Variants in PKD1L3 observed in about 807,000 individuals in gnomAD.
PKD1L3 encodes polycystin 1 like 3, transient receptor potential channel interacting, also known as polycystin-1-like protein 3.
In PKD1L3, 239 loss-of-function variants were observed where a neutral mutation model predicts 184.1. The observed-to-expected ratio is 1.30, with a 90% CI of 1.17 to 1.45. The LOEUF is 1.45. Among genes scored for constraint, PKD1L3 ranks in the 40% most tolerant of loss-of-function variants. The pLI, the probability that PKD1L3 is intolerant of heterozygous loss-of-function variation, is 0.00. For missense variants in PKD1L3, 2,660 were observed against 2,067.2 expected (o/e 1.29, Z -5.56); for synonymous variants, 996 against 778.8 (o/e 1.28, Z -4.64).
chr16:71,943,110 G>A (rs2038419423), intron 23 of PKD1L3, 86 bp from the exon 24 acceptor site: 1 of 1,121,774 alleles, frequency 8.9e-7, no homozygotes. Flanking sequence ...TAAGTCTATA[G>A]ACTTATGCAG....
intron 24 of PKD1L3, 63 bp downstream of exon 24, chr16:71,942,497 T>C: frequency 7.3e-7 from 1 of 1,370,944 alleles, no homozygotes. Flanking sequence ...ATTCCTGGTT[T>C]TGCACTTATT....
chr16:71,960,938 G>C (rs1191766149), intron 16 of PKD1L3, among the ~76,000 whole-genome samples: 2 of 152,066 alleles, frequency 1.3e-5, no homozygotes, highest in Non-Finnish European at 2.9e-5. Flanking sequence ...GTCTAGGGAG[G>C]GGAAATAGTA....
chr16:71,963,475 A>T, intron 15 of PKD1L3, 124 bp from the exon 16 acceptor site: 1 of 1,083,052 alleles, frequency 9.2e-7, no homozygotes, highest in Admixed American at 3.4e-5. Context: ...GCAAGGCAAG[A>T]ACTAAGGAAA....
intron 23 of PKD1L3, 46 bp downstream of exon 23, chr16:71,943,984 G>A (rs530052440): frequency 2.0e-6 from 3 of 1,505,256 alleles, no homozygotes; most frequent in Middle Eastern, 1.7e-4. Flanking sequence ...TTTCCCTTCT[G>A]GAAAAGGTGC....
At position 71,937,416 on chromosome 16, in the gene PKD1L3, G is replaced by T. The variant is rs1242971992; in HGVS notation, c.4328C>A (p.Ala1443Asp). The part of the protein sequence containing the change: ...ENGFSYIMRG[A>D]FFTSLRLESF... ...TTCCAGTCTCAAAGAGGTGAAGAAA[G>T]CACCTGAGAATAACAAAGAACACCT... Residue 1443 changes from alanine (A) to aspartate (D), a missense_variant, in exon 25 of 30, where the codon GCT becomes GAT. Ala to Asp is a moderately radical substitution (Grantham distance 126). Coordinates refer to ENST00000620267, the MANE Select transcript of PKD1L3 (RefSeq NM_181536.2). 1.3e-6 allele frequency: 2 copies of T among 1,550,870 alleles called. No homozygotes were observed. The highest frequency in any genetic ancestry group is 1.7e-6 in the Non-Finnish European group (2 of 1,146,802).
intron 11 of PKD1L3, among the ~76,000 whole-genome samples, chr16:71,976,060 G>A (rs780761255): frequency 6.6e-6 from 1 of 151,580 alleles, no homozygotes; most frequent in South Asian, 2.1e-4. Context: ...TGATTCTCAT[G>A]CCTCAGTCTC....
chr16:71,979,925 G>T lies in PKD1L3; in HGVS notation c.1272-13C>A, dbSNP rs2040083723. 1 of 1,550,842 alleles carries T rather than the reference G, an allele frequency of 6.4e-7. No individual in the cohort carries two copies. Among genetic ancestry groups the T allele is most frequent in the Non-Finnish European group, 8.7e-7 (1 of 1,146,850 alleles). On this transcript the variant is annotated splice_polypyrimidine_tract_variant and intron_variant, in intron 8 of 29. Coordinates refer to ENST00000620267, the MANE Select transcript of PKD1L3 (RefSeq NM_181536.2). Reference sequence around the variant, plus strand: ...TGATATGTTTTGTCTAATGAGAAAAGTTAAAATGGAAGTCAATTTTTGTGT... The same window carrying T: ...TGATATGTTTTGTCTAATGAGAAAATTTAAAATGGAAGTCAATTTTTGTGT...
intron 15 of PKD1L3, 76 bp from the exon 16 acceptor site, chr16:71,963,427 C>T (rs988557283): frequency 1.4e-6 from 2 of 1,381,120 alleles, no homozygotes; most frequent in Non-Finnish European, 9.7e-7. Flanking sequence ...TAATCTCAGA[C>T]CATTAGTAAA....
In PKD1L3 at chr16:71,996,251, G is replaced by A. The variant is rs948408210; in HGVS notation, c.418+2021C>T. Reference sequence around the variant, plus strand: ...TCCCTCACATTGACCCACCTCCCCCGCCTTTTTTTTTTTTTTTTTTTTTTT... The same window carrying A: ...TCCCTCACATTGACCCACCTCCCCCACCTTTTTTTTTTTTTTTTTTTTTTT... On this transcript the variant is annotated intron_variant, in intron 2 of 29. Coordinates refer to ENST00000620267, the MANE Select transcript of PKD1L3 (RefSeq NM_181536.2). Among the ~76,000 whole-genome samples, 7 of 102,024 alleles carry A rather than the reference G, an allele frequency of 6.9e-5. No individual in the cohort carries two copies. The East Asian group carries it at 8.2e-4, about 12-fold the overall frequency. 66.9% of individuals were successfully genotyped at this position (102,024 alleles called of 152,430 possible). A position where few individuals can be genotyped will look rare whatever the true frequency, so the allele number is the denominator to read the frequency against.
intron 12 of PKD1L3, among the ~76,000 whole-genome samples, chr16:71,970,759 G>A (rs905437436): frequency 6.6e-6 from 1 of 152,150 alleles, no homozygotes; most frequent in African/African-American, 2.4e-5. Flanking sequence ...AGTGAGCCCA[G>A]ATCACACCAC....
At chr16:71,947,397 G>A (rs755982884) in intron 22 of PKD1L3, 95 bp downstream of exon 22, 285 of 783,108 alleles carry the variant, frequency 3.6e-4, no homozygotes, top group Non-Finnish European at 3.8e-4. Context: ...TTAGAGACAA[G>A]TCCTTTGAAT....
At chr16:71,954,436 T>C in intron 16 of PKD1L3, 135 bp from the exon 17 acceptor site, 1 of 555,006 alleles carries the variant, frequency 1.8e-6, no homozygotes, top group Non-Finnish European at 3.0e-6. Context: ...GAATAAGCTT[T>C]CAGATATTTT....
At chr16:71,960,573 C>T (rs1042160061) in intron 16 of PKD1L3, among the ~76,000 whole-genome samples, 18 of 151,662 alleles carry the variant, frequency 1.2e-4, no homozygotes, top group Admixed American at 1.1e-3. Context: ...AAATAACATA[C>T]ACTTAAATGC....
At position 71,977,237 on chromosome 16, in the gene PKD1L3, T is replaced by C; in HGVS notation, c.1758A>G (p.Lys586=). The C allele has an allele frequency of 6.6e-7, 1 of 1,519,278 alleles. No homozygotes were observed. Among genetic ancestry groups the C allele is most frequent in the Non-Finnish European group, 8.9e-7 (1 of 1,117,550 alleles). The allele number at this position is 1,519,278 out of a possible 1,614,324, so 94.1% of individuals were successfully genotyped here. A position where few individuals can be genotyped will look rare whatever the true frequency, so the allele number is the denominator to read the frequency against. Residue 586 remains lysine, a splice_region_variant and synonymous_variant, in exon 11 of 30, where the codon AAA becomes AAG. Transcript: ENST00000620267. ...TTCTGACAGCTGATTGGGTTTTACC[T>C]TTTTGCCACACCTTATCCTTTGGAA... ...ITLPKDKVWQ[K]DEEYTWVLNP... is the part of the protein sequence containing the mutation.
chr16:71,948,803 TAAA>T (rs57129483), intron 21 of PKD1L3, among the ~76,000 whole-genome samples: 15 of 81,200 alleles, frequency 1.8e-4, no homozygotes, highest in Non-Finnish European at 2.4e-4. Flanking sequence ...TTACATATAG[TAAA>T]AAAAAAAAAA....
chr16:71,932,554 A>G (rs972294039), intron 28 of PKD1L3, among the ~76,000 whole-genome samples: 1 of 151,636 alleles, frequency 6.6e-6, no homozygotes, highest in African/African-American at 2.4e-5. Flanking sequence ...GCTCACTGCA[A>G]CCTCCGCCTG....
At chr16:71,986,145 C>A in intron 5 of PKD1L3, 76 bp downstream of exon 5, 3 of 1,495,656 alleles carry the variant, frequency 2.0e-6, no homozygotes, top group Non-Finnish European at 2.7e-6. Flanking sequence ...TGTAGTTCTG[C>A]AGGGAGGCAA....
At chr16:71,942,531 G>A (rs1171631727) in intron 24 of PKD1L3, 29 bp downstream of exon 24, 6 of 1,514,582 alleles carry the variant, frequency 4.0e-6, no homozygotes, top group Non-Finnish European at 5.4e-6. Context: ...TGCTACGTGT[G>A]GTTGAATTCC....
intron 24 of PKD1L3, among the ~76,000 whole-genome samples, 171 bp from the exon 25 acceptor site, chr16:71,937,590 T>C (rs987191341): frequency 1.3e-5 from 2 of 152,210 alleles, no homozygotes; most frequent in African/African-American, 4.8e-5. Flanking sequence ...AAGGAGATCA[T>C]GTATGCAAAG....
Sources: allele counts gnomAD v4.1 joint callset (sites outside exome capture counted in the v4.1 genomes callset), GRCh38; gene constraint gnomAD v4.1.1; transcripts MANE v1.5; gene names NCBI Gene and HGNC (gene_info 2026-07-23, HGNC 2026-07-21).